The following NOX4 variants were observed in gnomAD, a reference collection of about 807,000 sequenced individuals.
The protein encoded by NOX4 is kidney oxidase-1.
Under a neutral mutation model 87.6 loss-of-function variants are expected in NOX4, and 69 were observed. The observed-to-expected ratio is 0.79, with a 90% CI of 0.65 to 0.96. NOX4 has a LOEUF of 0.96. Ranked by LOEUF, NOX4 falls within the 40% of genes least tolerant of loss-of-function variation. The pLI is 0.00. For synonymous variants in NOX4, 275 were observed against 238.2 expected, an observed-to-expected ratio of 1.15 and a Z score of -1.42; for missense variants, 680 against 681.5, an observed-to-expected ratio of 1.00 and a Z score of 0.02.
rs372690065 is a variant in NOX4, at chr11:89,368,034, A to C, written c.1135+5398T>G. Among the ~76,000 whole-genome samples the C allele has an allele frequency of 4.6e-5, 7 of 152,166 alleles. No individual in the cohort carries two copies. The East Asian group carries it at 1.4e-3, about 29-fold the overall frequency. Reference sequence around the variant, plus strand: ...TGTACATCTTCCATTTGCTCCTGGAACTATATCCTAAATCTCTCCAGCAAT... The same window carrying C: ...TGTACATCTTCCATTTGCTCCTGGACCTATATCCTAAATCTCTCCAGCAAT... On this transcript the variant is annotated intron_variant, in intron 12 of 17. Coordinates refer to ENST00000263317, the MANE Select transcript of NOX4 (RefSeq NM_016931.5).
intron 11 of NOX4, among the ~76,000 whole-genome samples, chr11:89,382,977 G>C (rs1195683389): frequency 6.6e-6 from 1 of 152,004 alleles, no homozygotes; most frequent in Non-Finnish European, 1.5e-5. Context: ...CCTAGACCCA[G>C]AGGGGCCAGA....
the NOX4 span, among the ~76,000 whole-genome samples, chr11:89,541,937 C>T: frequency 2.6e-5 from 4 of 152,048 alleles, no homozygotes; most frequent in Non-Finnish European, 5.9e-5. Context: ...TCCCAAGTAG[C>T]AGGGAGTAGA....
chr11:89,502,889 G>C (rs1206274561), upstream of NOX4, among the ~76,000 whole-genome samples: 2 of 151,850 alleles, frequency 1.3e-5, no homozygotes, highest in Non-Finnish European at 2.9e-5. Context: ...AATAAGAATG[G>C]TTGTATGATT....
chr11:89,449,741 T>G (rs2135383388), intron 3 of NOX4, among the ~76,000 whole-genome samples: 1 of 152,182 alleles, frequency 6.6e-6, no homozygotes, highest in Non-Finnish European at 1.5e-5. Context: ...AGAAAGATGT[T>G]CAAGACACAT....
At chr11:89,331,714 A>G (rs1945480621) in intron 17 of NOX4, among the ~76,000 whole-genome samples, 1 of 151,646 alleles carries the variant, frequency 6.6e-6, no homozygotes. Flanking sequence ...CTTGATAATA[A>G]AATCAAGTAT....
intron 1 of NOX4, 73 bp from the exon 2 acceptor site, chr11:89,490,626 G>T: frequency 9.2e-7 from 1 of 1,089,326 alleles, no homozygotes; most frequent in Non-Finnish European, 1.4e-6. Flanking sequence ...AGAAACCACA[G>T]GTAAATTCTT....
chr11:89,372,691 C>A (rs1939533691), intron 12 of NOX4, among the ~76,000 whole-genome samples: 2 of 151,954 alleles, frequency 1.3e-5, no homozygotes, highest in South Asian at 4.1e-4. Context: ...ATTTTACTTA[C>A]CAACTCCTCG....
At chr11:89,517,003 C>T in the NOX4 span, among the ~76,000 whole-genome samples, 15 of 36,380 alleles carry the variant, frequency 4.1e-4, no homozygotes, top group East Asian at 8.9e-4. Flanking sequence ...TCCTGCTCTT[C>T]TCCTCATTCT....
intron 3 of NOX4, among the ~76,000 whole-genome samples, chr11:89,450,029 C>T (rs1170362435): frequency 6.6e-6 from 1 of 152,098 alleles, no homozygotes; most frequent in East Asian, 1.9e-4. Context: ...CCTGTTTGAT[C>T]TTATAACAAA....
chr11:89,489,717 GACT>G (rs1284602661), intron 2 of NOX4, among the ~76,000 whole-genome samples: 3 of 126,562 alleles, frequency 2.4e-5, no homozygotes, highest in African/African-American at 8.5e-5. Flanking sequence ...ATCGCAGCAA[GACT>G]CTGTCTCAAA....
chr11:89,494,044 C>G (rs955984780), upstream of NOX4, among the ~76,000 whole-genome samples: 1 of 152,108 alleles, frequency 6.6e-6, no homozygotes, highest in Non-Finnish European at 1.5e-5. Context: ...CGTGAGCCAC[C>G]GTGCCTGGCC....
At chr11:89,369,477 A>C (rs1939276684) in intron 12 of NOX4, among the ~76,000 whole-genome samples, 1 of 152,100 alleles carries the variant, frequency 6.6e-6, no homozygotes, top group Non-Finnish European at 1.5e-5. Flanking sequence ...AGTGACTAAT[A>C]AACAGTCTGG....
chr11:89,453,450 T>C (rs886689682), intron 2 of NOX4, among the ~76,000 whole-genome samples: 2 of 152,218 alleles, frequency 1.3e-5, no homozygotes, highest in Admixed American at 1.3e-4. Flanking sequence ...GATATATCCA[T>C]TCTTTTGAGA....
intron 13 of NOX4, among the ~76,000 whole-genome samples, chr11:89,346,742 C>G (rs1207385414): frequency 6.6e-6 from 1 of 152,192 alleles, no homozygotes; most frequent in Non-Finnish European, 1.5e-5. Flanking sequence ...TCAGTCAGCA[C>G]TAAGGCTTGT....
chr11:89,530,215 A>T, the NOX4 span, among the ~76,000 whole-genome samples: 405 of 151,020 alleles, frequency 2.7e-3, 3 homozygotes, highest in African/African-American at 9.4e-3. Context: ...GTAGGCTGTA[A>T]GTACTGTCAA....
the NOX4 span, chr11:89,589,469 G>A: frequency 6.6e-6 from 1 of 152,148 alleles, no homozygotes; most frequent in African/African-American, 2.4e-5. Flanking sequence ...CCATCTCTTC[G>A]AATCCAGCAG....
At chr11:89,326,966 T>A in intron 17 of NOX4, 90 bp from the exon 18 acceptor site, 1 of 1,207,780 alleles carries the variant, frequency 8.3e-7, no homozygotes, top group Non-Finnish European at 1.2e-6. Context: ...GTTTAAAGTA[T>A]TAACAAAGTT....
intron 7 of NOX4, among the ~76,000 whole-genome samples, chr11:89,431,149 T>C (rs1316506945): frequency 3.9e-5 from 6 of 152,048 alleles, no homozygotes; most frequent in Admixed American, 3.3e-4. Context: ...ACTGGCTAGT[T>C]GTATGTAGAA....
chr11:89,410,400 A>G (rs1328946585), intron 8 of NOX4, among the ~76,000 whole-genome samples: 2 of 152,208 alleles, frequency 1.3e-5, no homozygotes, highest in African/African-American at 4.8e-5. Flanking sequence ...CCTAGCTTAA[A>G]CTAATTAATG....
Sources: gnomAD v4.1 joint callset for allele counts (sites outside exome capture counted in the v4.1 genomes callset) on GRCh38, gnomAD v4.1.1 for gene constraint, MANE v1.5 for transcripts, NCBI Gene and HGNC (gene_info 2026-07-23, HGNC 2026-07-21) for gene names.